Variants in SSBP3 observed in about 807,000 individuals in gnomAD.
SSBP3 encodes the protein single-stranded DNA-binding protein 3.
A neutral mutation model predicts 69.6 loss-of-function variants in SSBP3; 5 were observed. The observed-to-expected ratio is 0.07, with a 90% CI of 0.04 to 0.15. SSBP3 has a LOEUF of 0.15. Ranked by LOEUF, SSBP3 falls within the 10% of genes least tolerant of loss-of-function variation. SSBP3 has a pLI of 1.00. For missense variants in SSBP3, 312 were observed against 534.0 expected (o/e 0.58, Z 4.10); for synonymous variants, 196 against 193.4 (o/e 1.01, Z -0.11).
chr1:54,381,062 GT>G (rs1647595047), intron 4 of SSBP3, among the ~76,000 whole-genome samples: 1 of 152,056 alleles, frequency 6.6e-6, no homozygotes, highest in Non-Finnish European at 1.5e-5. Flanking sequence ...TCCAGCCTGG[GT>G]GACAAGGTAA....
At chr1:54,342,043 A>G (rs576771788) in intron 4 of SSBP3, among the ~76,000 whole-genome samples, 2 of 152,336 alleles carry the variant, frequency 1.3e-5, no homozygotes, top group South Asian at 2.1e-4. Context: ...CTGACACCAC[A>G]CTGTGTAAGG....
At chr1:54,329,363 G>A (rs59004527) in intron 4 of SSBP3, among the ~76,000 whole-genome samples, 3 of 152,242 alleles carry the variant, frequency 2.0e-5, no homozygotes, top group Non-Finnish European at 4.4e-5. Context: ...ATTTTTAAAG[G>A]CATGTTAGAT....
At chr1:54,355,540 G>C (rs1403475347) in intron 4 of SSBP3, among the ~76,000 whole-genome samples, 4 of 152,154 alleles carry the variant, frequency 2.6e-5, no homozygotes, top group South Asian at 2.1e-4. Flanking sequence ...GTAGAAACAG[G>C]GTTTCACCAT....
chr1:54,373,341 TA>T, intron 4 of SSBP3, among the ~76,000 whole-genome samples: 1 of 152,268 alleles, frequency 6.6e-6, no homozygotes, highest in Non-Finnish European at 1.5e-5. Context: ...TCCTCTTCTA[TA>T]AAAAGCGAGT....
chr1:54,333,119 T>A (rs1234077155), intron 4 of SSBP3, among the ~76,000 whole-genome samples: 2 of 151,810 alleles, frequency 1.3e-5, no homozygotes, highest in African/African-American at 4.8e-5. Flanking sequence ...TGCTTGGGGG[T>A]GGGGAATGTC....
intron 4 of SSBP3, among the ~76,000 whole-genome samples, chr1:54,348,980 A>G (rs1371130032): frequency 1.3e-5 from 2 of 152,214 alleles, no homozygotes; most frequent in Admixed American, 6.5e-5. Context: ...CAGCCCGATG[A>G]CCAGCAAGCT....
In SSBP3 at chr1:54,251,607, G is replaced by A. The variant is rs1476370424; in HGVS notation, c.651+9C>T. 7 of 1,551,190 alleles carry A rather than the reference G, an allele frequency of 4.5e-6. No individual in the cohort carries two copies. The highest frequency in any genetic ancestry group is 1.7e-4 in the Middle Eastern group (1 of 5,862). ...CAGGGAGACGGACGGACAGACAGGC[G>A]GTGGTTACCTGTGGGCCGGGACCCA... On this transcript the variant is annotated intron_variant, in intron 9 of 17. Transcript: ENST00000610401.
rs79600035 is a variant in SSBP3, at chr1:54,279,218, C to A, written c.366+2220G>T. Reference sequence around the variant, plus strand: ...TGATGGCTCGCCGTGCCTGGGAAAACAGAGGTGACCTCAAGTCAAGAAGGT... The same window carrying A: ...TGATGGCTCGCCGTGCCTGGGAAAAAAGAGGTGACCTCAAGTCAAGAAGGT... On this transcript the variant is annotated intron_variant, in intron 5 of 17. Coordinates refer to ENST00000610401, the Ensembl canonical transcript of SSBP3. 1.1e-4 allele frequency among the ~76,000 whole-genome samples: 16 copies of A among 152,318 alleles called. No homozygotes were observed. In the East Asian group the frequency reaches 3.1e-3, roughly 29 times the overall value.
At chr1:54,381,167 G>A (rs1647604949) in intron 4 of SSBP3, among the ~76,000 whole-genome samples, 1 of 152,004 alleles carries the variant, frequency 6.6e-6, no homozygotes, top group Non-Finnish European at 1.5e-5. Flanking sequence ...GGTGGATCAT[G>A]AGGTCAGGTG....
chr1:54,233,277 AT>A (rs1644415967), intron 14 of SSBP3, among the ~76,000 whole-genome samples: 2 of 136,854 alleles, frequency 1.5e-5, no homozygotes, highest in Non-Finnish European at 3.1e-5. Flanking sequence ...CCGCGACCCC[AT>A]CTGGGATGTG....
intron 4 of SSBP3, among the ~76,000 whole-genome samples, chr1:54,302,055 G>T (rs373532682): frequency 1.3e-5 from 2 of 149,634 alleles, no homozygotes; most frequent in African/African-American, 4.9e-5. Context: ...GGGTGGGGGT[G>T]GGGGGGTACC....
At chr1:54,386,491 C>G (rs1435814342) in intron 4 of SSBP3, among the ~76,000 whole-genome samples, 1 of 152,022 alleles carries the variant, frequency 6.6e-6, no homozygotes, top group African/African-American at 2.4e-5. Flanking sequence ...CTGGAAGCAG[C>G]TCAGGTGTTC....
At chr1:54,245,039 G>A (rs1331476780) in intron 9 of SSBP3, among the ~76,000 whole-genome samples, 1 of 152,128 alleles carries the variant, frequency 6.6e-6, no homozygotes, top group Non-Finnish European at 1.5e-5. Flanking sequence ...CACTCACTAC[G>A]CTGGCACTGA....
chr1:54,337,177 A>G (rs994368657), intron 4 of SSBP3, among the ~76,000 whole-genome samples: 6 of 152,166 alleles, frequency 3.9e-5, no homozygotes, highest in African/African-American at 1.4e-4. Context: ...GGAATCGGCC[A>G]GCAACCTCTT....
intron 4 of SSBP3, among the ~76,000 whole-genome samples, chr1:54,383,631 C>T (rs1647851494): frequency 6.6e-6 from 1 of 152,128 alleles, no homozygotes; most frequent in African/African-American, 2.4e-5. Context: ...GCCACCAACC[C>T]TGAATTACAG....
At chr1:54,300,002 C>A (rs1014685120) in intron 4 of SSBP3, among the ~76,000 whole-genome samples, 1 of 152,158 alleles carries the variant, frequency 6.6e-6, no homozygotes, top group Non-Finnish European at 1.5e-5. Context: ...TGGAATGCTC[C>A]TATCACAGTC....
At position 54,401,850 on chromosome 1, in the gene SSBP3, A is replaced by G. The variant is rs780618376; in HGVS notation, c.276+11T>C. ...TATAATTATTGCTAGGATTAAAAAT[A>G]TGTTACTCACATAATCATGAAAGGC... is the stretch of plus-strand genomic sequence containing the variant. On this transcript the variant is annotated intron_variant, in intron 4 of 17. Transcript: ENST00000610401. The G allele has an allele frequency of 6.2e-7, 1 of 1,609,232 alleles. No individual in the cohort carries two copies. The highest frequency in any genetic ancestry group is 1.1e-5 in the South Asian group (1 of 90,892).
chr1:54,228,846 C>G lies in SSBP3; in HGVS notation c.928-20G>C. ...CGGGAACTGGGGAAGAAGCACAGGG[C>G]ATGGCAGCTCAGCGGGCCCTGGCCC... is the stretch of plus-strand genomic sequence containing the variant. On this transcript the variant is annotated intron_variant, in intron 14 of 17. Transcript: ENST00000610401. 2 of 1,608,394 alleles carry G rather than the reference C, an allele frequency of 1.2e-6. No individual in the cohort carries two copies.
At chr1:54,312,727 G>A (rs1316455313) in intron 4 of SSBP3, among the ~76,000 whole-genome samples, 1 of 152,114 alleles carries the variant, frequency 6.6e-6, no homozygotes, top group African/African-American at 2.4e-5. Flanking sequence ...GTTCAGACAA[G>A]ACCACCACAG....
Sources: allele counts gnomAD v4.1 joint callset (sites outside exome capture counted in the v4.1 genomes callset), GRCh38; gene constraint gnomAD v4.1.1; transcripts MANE v1.5; gene names NCBI Gene and HGNC (gene_info 2026-07-23, HGNC 2026-07-21).